VKORC1L1: variants seen among roughly 807,000 people sequenced by gnomAD.
VKORC1L1 encodes the protein vitamin K epoxide reductase complex subunit 1L1.
VKORC1L1 carries 2 observed loss-of-function variants against 18.9 expected under a neutral mutation model. That is an observed-to-expected ratio of 0.11 (90% CI 0.04 to 0.33). The LOEUF (loss-of-function observed/expected upper bound fraction) is 0.33, where lower values mean the gene tolerates loss of function less well. Ranked by LOEUF, VKORC1L1 falls within the 10% of genes least tolerant of loss-of-function variation. VKORC1L1 has a pLI of 1.00. For missense variants in VKORC1L1, 123 were observed against 224.1 expected (o/e 0.55, Z 2.88); for synonymous variants, 96 against 100.0 (o/e 0.96, Z 0.24).
Position 65,956,628 on chromosome 7 carries a change from T to TA in VKORC1L1, c.*2330dup, listed in dbSNP as rs1790300182. On this transcript the variant is annotated 3_prime_UTR_variant, in exon 3 of 3. Coordinates refer to ENST00000360768, the MANE Select transcript of VKORC1L1 (RefSeq NM_173517.6). ...AGAGAGGAACACGTACTGCCTGTCA[T>TA]AACAGCATTGTAATGCCAGTGTCTC... 1 of 152,228 alleles carries TA rather than the reference T, an allele frequency of 6.6e-6. No homozygotes were observed. The highest frequency in any genetic ancestry group is 2.1e-4 in the South Asian group (1 of 4,834). 9.4% of individuals were successfully genotyped at this position (152,228 alleles called of 1,614,324 possible).
chr7:65,905,001 A>G (rs769569554), intron 1 of VKORC1L1, among the ~76,000 whole-genome samples: 11 of 152,182 alleles, frequency 7.2e-5, no homozygotes, highest in Non-Finnish European at 1.5e-4. Context: ...ATATACATAC[A>G]CATGCCTGTA....
chr7:65,898,178 T>C (rs1789249838), intron 1 of VKORC1L1, among the ~76,000 whole-genome samples: 1 of 137,566 alleles, frequency 7.3e-6, no homozygotes, highest in Non-Finnish European at 1.5e-5. Flanking sequence ...AACCTCTGCC[T>C]CCTGGGTTCA....
chr7:65,952,183 A>G (rs529831358), intron 2 of VKORC1L1, among the ~76,000 whole-genome samples: 1 of 152,312 alleles, frequency 6.6e-6, no homozygotes, highest in South Asian at 2.1e-4. Context: ...CTTAGGTAAA[A>G]TTGTGACCAC....
At chr7:65,894,026 C>T (rs1789149856) in intron 1 of VKORC1L1, among the ~76,000 whole-genome samples, 1 of 151,836 alleles carries the variant, frequency 6.6e-6, no homozygotes, top group Non-Finnish European at 1.5e-5. Context: ...GCGATCTCGG[C>T]TCACTGCAAC....
chr7:65,890,374 G>A (rs1418945630), intron 1 of VKORC1L1, among the ~76,000 whole-genome samples: 6 of 151,884 alleles, frequency 4.0e-5, no homozygotes, highest in South Asian at 2.1e-4. Flanking sequence ...CTCGTGATCC[G>A]CCTGCCTCGG....
chr7:65,878,958 G>A (rs190681062), intron 1 of VKORC1L1, among the ~76,000 whole-genome samples: 5 of 152,152 alleles, frequency 3.3e-5, no homozygotes, highest in East Asian at 1.9e-4. Context: ...TCGCTGCTTC[G>A]GATTTGAAAG....
At position 65,885,410 on chromosome 7, in the gene VKORC1L1, A is replaced by C. The variant is rs577725657; in HGVS notation, c.194+11845A>C. On this transcript the variant is annotated intron_variant, in intron 1 of 2. Transcript: ENST00000360768. ...ACTTAGGTGGTCAGATCTTTCACTT[A>C]AAAAAATTCTTCATTATTCAACTGG... is the stretch of plus-strand genomic sequence containing the variant. Among the ~76,000 whole-genome samples the C allele has an allele frequency of 1.6e-3, 236 of 152,076 alleles. 1 individual carries two copies. The highest frequency in any genetic ancestry group is 5.5e-3 in the African/African-American group (229 of 41,532).
intron 1 of VKORC1L1, among the ~76,000 whole-genome samples, chr7:65,891,758 G>A (rs953579457): frequency 1.3e-5 from 2 of 152,084 alleles, no homozygotes; most frequent in Non-Finnish European, 2.9e-5. Flanking sequence ...TATCAAATTA[G>A]GGTAGAGTAC....
upstream of VKORC1L1, among the ~76,000 whole-genome samples, chr7:65,871,638 G>T (rs1788727678): frequency 6.6e-6 from 1 of 152,100 alleles, no homozygotes; most frequent in Admixed American, 6.6e-5. Flanking sequence ...CCTCTCCCTG[G>T]GGTAAGCCTG....
At chr7:65,897,725 T>C (rs1413445591) in intron 1 of VKORC1L1, among the ~76,000 whole-genome samples, 1 of 151,452 alleles carries the variant, frequency 6.6e-6, no homozygotes, top group African/African-American at 2.4e-5. Flanking sequence ...CTCTGTGTTA[T>C]GTGGAATTAC....
At chr7:65,930,932 T>G (rs1401630118) in intron 1 of VKORC1L1, among the ~76,000 whole-genome samples, 1 of 152,174 alleles carries the variant, frequency 6.6e-6, no homozygotes, top group Non-Finnish European at 1.5e-5. Flanking sequence ...AATTTAATCA[T>G]GAATAGATTT....
intron 1 of VKORC1L1, among the ~76,000 whole-genome samples, chr7:65,881,839 G>A (rs1250330706): frequency 6.6e-6 from 1 of 152,184 alleles, no homozygotes; most frequent in Admixed American, 6.5e-5. Flanking sequence ...CAGCACTTTG[G>A]GAGGCTGAGG....
chr7:65,947,941 G>A (rs1057425381), intron 1 of VKORC1L1, among the ~76,000 whole-genome samples: 2 of 152,034 alleles, frequency 1.3e-5, no homozygotes, highest in Non-Finnish European at 2.9e-5. Context: ...TGCTCGCCTC[G>A]GCCTCCCAAG....
At chr7:65,935,639 G>A (rs1789930682) in intron 1 of VKORC1L1, among the ~76,000 whole-genome samples, 1 of 152,052 alleles carries the variant, frequency 6.6e-6, no homozygotes, top group African/African-American at 2.4e-5. Context: ...AAAATTGGTA[G>A]GCATTTGAAT....
chr7:65,887,850 A>G (rs1006702447), intron 1 of VKORC1L1, among the ~76,000 whole-genome samples: 8 of 152,230 alleles, frequency 5.3e-5, no homozygotes, highest in Non-Finnish European at 8.8e-5. Context: ...AACAAATAAC[A>G]GGATTGCTTC....
At chr7:65,914,503 AT>A (rs1413482011) in intron 1 of VKORC1L1, among the ~76,000 whole-genome samples, 1 of 151,944 alleles carries the variant, frequency 6.6e-6, no homozygotes, top group African/African-American at 2.4e-5. Flanking sequence ...TCCCTTTGCA[AT>A]CTTACCTCAA....
intron 1 of VKORC1L1, among the ~76,000 whole-genome samples, chr7:65,939,583 GC>G (rs1311666236): frequency 6.6e-6 from 1 of 152,228 alleles, no homozygotes; most frequent in Non-Finnish European, 1.5e-5. Context: ...GGTGGTGGAA[GC>G]CAATATTTTG....
chr7:65,874,732 G>A (rs1788797698), intron 1 of VKORC1L1, among the ~76,000 whole-genome samples: 1 of 152,042 alleles, frequency 6.6e-6, no homozygotes, highest in Admixed American at 6.6e-5. Context: ...CTTGAACCTG[G>A]GAGGCAGAGG....
At chr7:65,933,680 T>A (rs1789894843) in intron 1 of VKORC1L1, among the ~76,000 whole-genome samples, 1 of 152,222 alleles carries the variant, frequency 6.6e-6, no homozygotes, top group Non-Finnish European at 1.5e-5. Flanking sequence ...TCAGACCATT[T>A]ACTTTTAATG....
Sources: gnomAD v4.1 joint callset for allele counts (sites outside exome capture counted in the v4.1 genomes callset) on GRCh38, gnomAD v4.1.1 for gene constraint, MANE v1.5 for transcripts, NCBI Gene and HGNC (gene_info 2026-07-23, HGNC 2026-07-21) for gene names.